ZDHHC15: variants seen among roughly 807,000 people sequenced by gnomAD.
ZDHHC15 encodes palmitoyltransferase ZDHHC15.
ZDHHC15 carries 19 observed loss-of-function variants against 31.7 expected under a neutral mutation model. The observed-to-expected ratio is 0.60, with a 90% CI of 0.42 to 0.88. The LOEUF (loss-of-function observed/expected upper bound fraction) is 0.88. ZDHHC15 is among the 40% of genes least tolerant of loss of function. The probability of loss-of-function intolerance (pLI) is 0.00; values close to 1 mark genes in which losing one functional copy is unlikely to be tolerated. For missense variants in ZDHHC15, 209 were observed against 251.2 expected (o/e 0.83, Z 1.14); for synonymous variants, 103 against 90.0 (o/e 1.14, Z -0.82).
intron 3 of ZDHHC15, among the ~76,000 whole-genome samples, chrX:75,475,339 G>T (rs1470781515): frequency 4.5e-5 from 5 of 110,197 alleles, no homozygotes; most frequent in Non-Finnish European, 9.5e-5. Flanking sequence ...TTTTTTCTAA[G>T]TTTTATAATC....
At chrX:75,494,564 G>T (rs1257006145) in intron 2 of ZDHHC15, among the ~76,000 whole-genome samples, 1 of 111,938 alleles carries the variant, frequency 8.9e-6, no homozygotes, top group Admixed American at 9.5e-5. Flanking sequence ...AAAACAGCAT[G>T]GTACTTGTAC....
chrX:75,517,591 G>A (rs2085378045), intron 1 of ZDHHC15, among the ~76,000 whole-genome samples: 1 of 75,165 alleles, frequency 1.3e-5, no homozygotes, highest in African/African-American at 5.0e-5. Context: ...CTGTCGTGGG[G>A]TGGGGGGAGG....
rs5981364 is a variant in ZDHHC15 at position 75,490,711 on chromosome X, G to A, written c.164-11726C>T. On this transcript the variant is annotated intron_variant, in intron 2 of 11. Transcript: ENST00000373367. Reference sequence around the variant, plus strand: ...CTCCTTGAAGAGGTCTTTCACGTCCGTTGTAAGTTGGATTCCTAGGTATTT... The same window carrying A: ...CTCCTTGAAGAGGTCTTTCACGTCCATTGTAAGTTGGATTCCTAGGTATTT... 3.8e-3 allele frequency among the ~76,000 whole-genome samples: 421 copies of A among 111,010 alleles called. 2 individuals are homozygous for A. The highest frequency in any genetic ancestry group is 0.011 in the South Asian group (28 of 2,595).
chrX:75,469,157 A>G (rs776271933), intron 3 of ZDHHC15, among the ~76,000 whole-genome samples: 2 of 111,934 alleles, frequency 1.8e-5, no homozygotes, highest in African/African-American at 6.5e-5. Flanking sequence ...CAAGATAATA[A>G]AGATTTTCCC....
At chrX:75,391,640 G>A (rs768198869) in intron 10 of ZDHHC15, among the ~76,000 whole-genome samples, 3 of 112,106 alleles carry the variant, frequency 2.7e-5, no homozygotes, top group Non-Finnish European at 3.8e-5. Context: ...AAACATGTAG[G>A]AGAAATAAAA....
At chrX:75,425,542 G>A (rs183248591) in intron 7 of ZDHHC15, among the ~76,000 whole-genome samples, 11 of 112,239 alleles carry the variant, frequency 9.8e-5, no homozygotes, top group Non-Finnish European at 1.7e-4. Context: ...TGTAACATGC[G>A]CAGCATGTAA....
intron 2 of ZDHHC15, among the ~76,000 whole-genome samples, chrX:75,492,477 C>A (rs1049509564): frequency 9.0e-6 from 1 of 111,558 alleles, no homozygotes; most frequent in East Asian, 2.8e-4. Context: ...ACAGAATATA[C>A]GTTCTTCTCA....
chrX:75,394,046 C>A (rs2083273420), intron 10 of ZDHHC15, among the ~76,000 whole-genome samples: 1 of 111,494 alleles, frequency 9.0e-6, no homozygotes, highest in East Asian at 2.8e-4. Flanking sequence ...TGTTCCCAAC[C>A]CACTGATTCT....
At chrX:75,409,281 C>T (rs941748548) in intron 10 of ZDHHC15, among the ~76,000 whole-genome samples, 5 of 108,855 alleles carry the variant, frequency 4.6e-5, no homozygotes, top group African/African-American at 6.7e-5. Context: ...CACTTGAGGC[C>T]GGGAGTTTGA....
intron 2 of ZDHHC15, among the ~76,000 whole-genome samples, chrX:75,487,683 C>T (rs2084799906): frequency 8.9e-6 from 1 of 112,160 alleles, no homozygotes; most frequent in African/African-American, 3.2e-5. Context: ...CTAAGAAGAA[C>T]TCTCTGAATT....
chrX:75,383,587 G>A (rs908151827), intron 10 of ZDHHC15, among the ~76,000 whole-genome samples: 2 of 110,734 alleles, frequency 1.8e-5, no homozygotes, highest in Non-Finnish European at 3.8e-5. Context: ...CAACTCACGG[G>A]AAATCATTGT....
rs1156896723 is a variant in ZDHHC15, at chrX:75,371,744, T to G, written c.*1234A>C. The G allele has an allele frequency of 1.8e-5, 2 of 111,678 alleles. No individual in the cohort carries two copies. The highest frequency in any genetic ancestry group is 3.8e-5 in the Non-Finnish European group (2 of 53,155). 9.2% of individuals were successfully genotyped at this position (111,678 alleles called of 1,213,427 possible). A position where few individuals can be genotyped will look rare whatever the true frequency, so the allele number is the denominator to read the frequency against. ...CTGCTGGATGAAAAAATGAAAGATA[T>G]CAATACTCTTAAGATATTATTATTG... On this transcript the variant is annotated 3_prime_UTR_variant, in exon 12 of 12. Transcript: ENST00000373367.
intron 3 of ZDHHC15, among the ~76,000 whole-genome samples, chrX:75,477,616 G>A (rs1342850089): frequency 5.4e-5 from 6 of 110,773 alleles, no homozygotes; most frequent in African/African-American, 6.5e-5. Context: ...GTCCTTCTTC[G>A]TCTCTTGTAA....
chrX:75,450,256 T>C (rs891501686), intron 4 of ZDHHC15, among the ~76,000 whole-genome samples: 2 of 111,707 alleles, frequency 1.8e-5, no homozygotes, highest in Non-Finnish European at 3.8e-5. Context: ...GCTATCAGAA[T>C]AGCGGTTTCT....
At chrX:75,487,025 A>G (rs2084789268) in intron 2 of ZDHHC15, among the ~76,000 whole-genome samples, 1 of 111,419 alleles carries the variant, frequency 9.0e-6, no homozygotes, top group African/African-American at 3.3e-5. Context: ...CCCTTCTACT[A>G]CAGCAGAAGG....
At chrX:75,489,029 A>G (rs1466838192) in intron 2 of ZDHHC15, among the ~76,000 whole-genome samples, 1 of 111,836 alleles carries the variant, frequency 8.9e-6, no homozygotes, top group Non-Finnish European at 1.9e-5. Context: ...ATCAAACTGC[A>G]AGGCGGCAGG....
rs1469233457 is a variant in ZDHHC15 at position 75,470,054 on chromosome X, T to C, written c.258+8837A>G. 2.7e-5 allele frequency among the ~76,000 whole-genome samples: 3 copies of C among 111,642 alleles called. 1 individual carries two copies. Among genetic ancestry groups the C allele is most frequent in the Middle Eastern group, 8.3e-3 (2 of 240 alleles). On this transcript the variant is annotated intron_variant, in intron 3 of 11. Transcript: ENST00000373367. ...ATATTGAGTGTCACCTTGATTGGAC[T>C]GAGGGATGCAAAGGATCCTGGGTGT...
At chrX:75,494,932 T>C (rs1472739826) in intron 2 of ZDHHC15, among the ~76,000 whole-genome samples, 1 of 111,681 alleles carries the variant, frequency 9.0e-6, no homozygotes, top group Non-Finnish European at 1.9e-5. Flanking sequence ...AATTGACAAA[T>C]GGGATCTAAT....
intron 3 of ZDHHC15, among the ~76,000 whole-genome samples, chrX:75,463,722 C>T (rs1250400006): frequency 9.0e-6 from 1 of 111,583 alleles, no homozygotes; most frequent in Admixed American, 9.5e-5. Context: ...CAGAGAAATG[C>T]AAATCAAAAC....
Sources: gnomAD v4.1 joint callset for allele counts (sites outside exome capture counted in the v4.1 genomes callset) on GRCh38, gnomAD v4.1.1 for gene constraint, MANE v1.5 for transcripts, NCBI Gene and HGNC (gene_info 2026-07-23, HGNC 2026-07-21) for gene names.